The following KHDRBS2 variants were observed in gnomAD, a reference collection of about 807,000 sequenced individuals.
KHDRBS2 encodes the protein KH domain-containing, RNA-binding, signal transduction-associated protein 2.
KHDRBS2 carries 26 observed loss-of-function variants against 44.3 expected under a neutral mutation model. The observed-to-expected ratio is 0.59, with a 90% CI of 0.43 to 0.81. The LOEUF (loss-of-function observed/expected upper bound fraction) is 0.81. Among genes scored for constraint, KHDRBS2 ranks in the 40% least tolerant of loss-of-function variants. The pLI, the probability that KHDRBS2 is intolerant of heterozygous loss-of-function variation, is 0.00. For missense variants in KHDRBS2, 476 were observed against 433.1 expected, an observed-to-expected ratio of 1.10 and a Z score of -0.88; for synonymous variants, 194 against 151.1, an observed-to-expected ratio of 1.28 and a Z score of -2.08.
chr6:62,024,916 A>T (rs1218996805), intron 3 of KHDRBS2, among the ~76,000 whole-genome samples: 2 of 151,744 alleles, frequency 1.3e-5, no homozygotes, highest in African/African-American at 4.8e-5. Flanking sequence ...GAAATCTGGG[A>T]TATACAATCA....
the KHDRBS2 span, chr6:61,574,265 C>T: frequency 2.3e-5 from 26 of 1,151,582 alleles, no homozygotes; most frequent in African/African-American, 1.8e-4. Flanking sequence ...GTTTAACGGC[C>T]GTGGTACCCT....
At chr6:62,103,351 A>G (rs1488608344) in intron 2 of KHDRBS2, among the ~76,000 whole-genome samples, 1 of 152,188 alleles carries the variant, frequency 6.6e-6, no homozygotes, top group Non-Finnish European at 1.5e-5. Flanking sequence ...CGCTCATGCT[A>G]ATCAGCACCC....
chr6:61,957,847 C>T (rs1767757953), intron 4 of KHDRBS2, among the ~76,000 whole-genome samples: 1 of 152,114 alleles, frequency 6.6e-6, no homozygotes, highest in African/African-American at 2.4e-5. Context: ...CTAATAAAAA[C>T]TTGCTGGTTT....
intron 2 of KHDRBS2, among the ~76,000 whole-genome samples, chr6:62,146,690 T>C (rs879769615): frequency 1.3e-5 from 2 of 151,782 alleles, no homozygotes; most frequent in Non-Finnish European, 1.5e-5. Flanking sequence ...ATAAACTCCA[T>C]TTATGTGCCA....
intron 3 of KHDRBS2, among the ~76,000 whole-genome samples, chr6:62,012,031 G>C (rs1305699514): frequency 6.6e-6 from 1 of 152,108 alleles, no homozygotes. Flanking sequence ...TCTTACAAAT[G>C]TTTCTTGATT....
At chr6:62,195,245 CAATT>C (rs1289551936) in intron 1 of KHDRBS2, among the ~76,000 whole-genome samples, 2 of 152,056 alleles carry the variant, frequency 1.3e-5, no homozygotes, top group Non-Finnish European at 2.9e-5. Context: ...TATAGAAAAA[CAATT>C]TATTTTTGTA....
chr6:62,090,212 T>C (rs1799236826), intron 2 of KHDRBS2, among the ~76,000 whole-genome samples: 1 of 152,210 alleles, frequency 6.6e-6, no homozygotes. Context: ...TTTAAGGAAA[T>C]GGCTCCTTCA....
intron 6 of KHDRBS2, among the ~76,000 whole-genome samples, chr6:61,859,581 C>T (rs1237695357): frequency 6.6e-6 from 1 of 151,854 alleles, no homozygotes; most frequent in Non-Finnish European, 1.5e-5. Flanking sequence ...TGGCAATGCT[C>T]CCAGAAGCCT....
chr6:62,037,513 T>C (rs1347299374), intron 3 of KHDRBS2, among the ~76,000 whole-genome samples: 2 of 139,224 alleles, frequency 1.4e-5, no homozygotes, highest in African/African-American at 2.7e-5. Flanking sequence ...TCCATAAGAG[T>C]TTAATGATAG....
the KHDRBS2 span, among the ~76,000 whole-genome samples, chr6:61,598,995 G>T: frequency 0.024 from 3,708 of 151,872 alleles, 70 homozygotes; most frequent in Middle Eastern, 0.086. Flanking sequence ...GTGCAATGGC[G>T]TGATCTTGGC....
intron 6 of KHDRBS2, among the ~76,000 whole-genome samples, chr6:61,782,754 CAT>C (rs1783202747): frequency 9.6e-6 from 1 of 103,836 alleles, no homozygotes; most frequent in Admixed American, 1.0e-4. Context: ...CACACATATA[CAT>C]ATACATATAC....
intron 6 of KHDRBS2, among the ~76,000 whole-genome samples, chr6:61,868,071 A>G (rs532055158): frequency 6.6e-6 from 1 of 152,256 alleles, no homozygotes; most frequent in South Asian, 2.1e-4. Flanking sequence ...CCCAAACAGC[A>G]AATGTGGCAG....
chr6:61,627,799 A>C, the KHDRBS2 span, among the ~76,000 whole-genome samples: 29,502 of 152,104 alleles, frequency 0.19, 3,349 homozygotes, highest in South Asian at 0.33. Context: ...CTTCTAACAA[A>C]ACCGTAATTC....
chr6:61,823,181 C>A (rs1200872694), intron 6 of KHDRBS2, among the ~76,000 whole-genome samples: 1 of 151,922 alleles, frequency 6.6e-6, no homozygotes, highest in Non-Finnish European at 1.5e-5. Flanking sequence ...CTTTAATATT[C>A]CACCACAACC....
intron 1 of KHDRBS2, among the ~76,000 whole-genome samples, chr6:62,277,065 A>ATGATAATGG (rs1841051735): frequency 6.6e-6 from 1 of 152,198 alleles, no homozygotes; most frequent in Non-Finnish European, 1.5e-5. Context: ...TGTTGAGATG[A>ATGATAATGG]TGATAATGGT....
chr6:61,910,616 T>C (rs1805880355), intron 4 of KHDRBS2, among the ~76,000 whole-genome samples: 2 of 152,150 alleles, frequency 1.3e-5, no homozygotes, highest in African/African-American at 4.8e-5. Flanking sequence ...AAAGGCTTAT[T>C]TTCTATCTTG....
At chr6:61,832,102 C>G (rs754778011) in intron 6 of KHDRBS2, among the ~76,000 whole-genome samples, 5 of 152,062 alleles carry the variant, frequency 3.3e-5, no homozygotes, top group African/African-American at 4.8e-5. Flanking sequence ...AGTGTGCTGG[C>G]ACACATCTGT....
rs1348418503 is a variant in KHDRBS2 at position 61,955,438 on chromosome 6, GTATACATATGTGTATA to G, written c.483+22612_483+22627del. The stretch of plus-strand genomic sequence containing the variant: ...TATATATACACATACGTATGTGTAT[GTATACATATGTGTATA>G]TATACATATGTGTATATATACACAT... On this transcript the variant is annotated intron_variant, in intron 4 of 8. Coordinates refer to ENST00000281156, the MANE Select transcript of KHDRBS2 (RefSeq NM_152688.4). Among the ~76,000 whole-genome samples the G allele has an allele frequency of 6.4e-3, 417 of 65,274 alleles. 17 individuals are homozygous for G. Among genetic ancestry groups the G allele is most frequent in the African/African-American group, 0.016 (351 of 21,524 alleles). The allele number at this position is 65,274 out of a possible 152,430, so 42.8% of individuals were successfully genotyped here.
At chr6:62,267,879 T>C (rs1344314408) in intron 1 of KHDRBS2, among the ~76,000 whole-genome samples, 1 of 152,054 alleles carries the variant, frequency 6.6e-6, no homozygotes, top group Non-Finnish European at 1.5e-5. Context: ...TTGTTTTGCT[T>C]TAATGATAAT....
Sources: allele counts gnomAD v4.1 joint callset (sites outside exome capture counted in the v4.1 genomes callset), GRCh38; gene constraint gnomAD v4.1.1; transcripts MANE v1.5; gene names NCBI Gene and HGNC (gene_info 2026-07-23, HGNC 2026-07-21).